The following SULF1 variants were observed in gnomAD, a reference collection of about 807,000 sequenced individuals.
SULF1 encodes the protein extracellular sulfatase Sulf-1.
SULF1 carries 46 observed loss-of-function variants against 110.5 expected under a neutral mutation model. The observed-to-expected ratio is 0.42, with a 90% confidence interval of 0.33 to 0.53. SULF1 has a LOEUF of 0.53. SULF1 is among the 20% of genes least tolerant of loss of function. The pLI is 0.12. For missense variants in SULF1, 941 were observed against 1,094.2 expected (o/e 0.86, Z 1.98); for synonymous variants, 371 against 387.1 (o/e 0.96, Z 0.49).
At chr8:69,618,642 A>G (rs1256270764) in intron 13 of SULF1, among the ~76,000 whole-genome samples, 3 of 152,214 alleles carry the variant, frequency 2.0e-5, no homozygotes, top group African/African-American at 7.2e-5. Context: ...TAAACGTTCA[A>G]GACATCCTAG....
chr8:69,640,361 A>G (rs1418936898), intron 21 of SULF1, among the ~76,000 whole-genome samples: 3 of 152,174 alleles, frequency 2.0e-5, no homozygotes. Flanking sequence ...TAATGGTGAA[A>G]TGACACACTG....
At chr8:69,532,163 C>A (rs928622121) in intron 3 of SULF1, among the ~76,000 whole-genome samples, 2 of 152,120 alleles carry the variant, frequency 1.3e-5, no homozygotes, top group Admixed American at 1.3e-4. Flanking sequence ...AGTAGCATAC[C>A]CATTTAAATT....
intron 3 of SULF1, among the ~76,000 whole-genome samples, chr8:69,527,662 A>G (rs1812790458): frequency 6.6e-6 from 1 of 152,136 alleles, no homozygotes; most frequent in African/African-American, 2.4e-5. Flanking sequence ...AATATAGAGG[A>G]CAGATAGATA....
At chr8:69,616,836 A>G (rs1284078174) in intron 13 of SULF1, among the ~76,000 whole-genome samples, 1 of 151,648 alleles carries the variant, frequency 6.6e-6, no homozygotes, top group Non-Finnish European at 1.5e-5. Flanking sequence ...TACAGGCGTG[A>G]GCCACCACAC....
At chr8:69,616,068 A>G (rs559315155) in intron 13 of SULF1, among the ~76,000 whole-genome samples, 4 of 148,442 alleles carry the variant, frequency 2.7e-5, no homozygotes, top group Admixed American at 6.7e-5. Context: ...ACACATATAT[A>G]TGTGTGTATA....
chr8:69,559,799 G>A (rs1245176864), intron 3 of SULF1, among the ~76,000 whole-genome samples: 1 of 152,152 alleles, frequency 6.6e-6, no homozygotes, highest in Non-Finnish European at 1.5e-5. Context: ...AAACACAACA[G>A]TGAAAAGAAA....
At chr8:69,529,093 T>C (rs1812904815) in intron 3 of SULF1, among the ~76,000 whole-genome samples, 1 of 152,136 alleles carries the variant, frequency 6.6e-6, no homozygotes, top group African/African-American at 2.4e-5. Flanking sequence ...TTACTCCAGC[T>C]TTACTAATAA....
intron 3 of SULF1, among the ~76,000 whole-genome samples, chr8:69,541,521 C>G (rs1055121557): frequency 4.6e-5 from 7 of 152,216 alleles, no homozygotes; most frequent in African/African-American, 1.7e-4. Context: ...ACAAATGCAT[C>G]ATATGTGAAA....
At chr8:69,578,552 C>T (rs1231061171) in intron 6 of SULF1, among the ~76,000 whole-genome samples, 1 of 136,868 alleles carries the variant, frequency 7.3e-6, no homozygotes, top group Non-Finnish European at 1.5e-5. Flanking sequence ...GAGCCGGCAC[C>T]GGGACCTTAG....
intron 3 of SULF1, among the ~76,000 whole-genome samples, chr8:69,543,082 A>G (rs376145769): frequency 6.6e-6 from 1 of 152,184 alleles, no homozygotes; most frequent in Non-Finnish European, 1.5e-5. Context: ...AGATTTAGCA[A>G]CCATCCAATT....
In SULF1 at chr8:69,501,879, G is replaced by A. The variant is rs1382449226; in HGVS notation, c.-223G>A. The stretch of plus-strand genomic sequence containing the variant: ...TTTGCTCTTTTCCATCGTAGGTGCT[G>A]ACGGCCACCCACCATCATCTAAAGA... On this transcript the variant is annotated 5_prime_UTR_variant, in exon 3 of 23. An upstream open reading frame in the 5' UTR loses its in-frame stop. Transcript: ENST00000402687. 2 of 152,210 alleles carry A rather than the reference G, an allele frequency of 1.3e-5. No homozygotes were observed. Among genetic ancestry groups the A allele is most frequent in the African/African-American group, 4.8e-5 (2 of 41,456 alleles). 9.4% of individuals were successfully genotyped at this position (152,210 alleles called of 1,614,324 possible).
At chr8:69,636,782 G>T (rs1367560786) in intron 19 of SULF1, among the ~76,000 whole-genome samples, 1 of 152,136 alleles carries the variant, frequency 6.6e-6, no homozygotes, top group Non-Finnish European at 1.5e-5. Flanking sequence ...GAAGAATTGG[G>T]CCCTTTCTGT....
intron 5 of SULF1, among the ~76,000 whole-genome samples, chr8:69,574,145 A>G (rs1805437696): frequency 6.6e-6 from 1 of 152,114 alleles, no homozygotes; most frequent in South Asian, 2.1e-4. Context: ...CCTTACAAAG[A>G]CTTTTTTCTT....
At chr8:69,622,287 A>G (rs2130556741) in intron 14 of SULF1, among the ~76,000 whole-genome samples, 1 of 152,308 alleles carries the variant, frequency 6.6e-6, no homozygotes, top group Non-Finnish European at 1.5e-5. Flanking sequence ...AAATTTCTGA[A>G]AATCAATAAG....
At chr8:69,603,510 G>A (rs955187832) in intron 11 of SULF1, 90 bp from the exon 12 acceptor site, 42 of 1,315,678 alleles carry the variant, frequency 3.2e-5, no homozygotes, top group Middle Eastern at 1.9e-4. Context: ...TGTGGGAAGT[G>A]AGAGGTGTTT....
chr8:69,495,500 T>A (rs2150561720), intron 1 of SULF1, among the ~76,000 whole-genome samples: 1 of 152,324 alleles, frequency 6.6e-6, no homozygotes, highest in Middle Eastern at 3.4e-3. Flanking sequence ...GGTCACTATC[T>A]GGACTCAATG....
chr8:69,570,323 C>T (rs16936119), intron 5 of SULF1, among the ~76,000 whole-genome samples: 51,271 of 151,952 alleles, frequency 0.34, 8,795 homozygotes, highest in Middle Eastern at 0.42. Context: ...TCTGGTTCTG[C>T]GAGTTTTTCT....
intron 3 of SULF1, among the ~76,000 whole-genome samples, chr8:69,519,287 C>T (rs767840332): frequency 6.6e-6 from 1 of 152,150 alleles, no homozygotes; most frequent in Non-Finnish European, 1.5e-5. Context: ...CAGTATCTAA[C>T]ATATGAAGCA....
chr8:69,479,904 G>A (rs796127873), intron 1 of SULF1, among the ~76,000 whole-genome samples: 8 of 152,328 alleles, frequency 5.3e-5, no homozygotes, highest in African/African-American at 1.9e-4. Flanking sequence ...AAGGAAAAGA[G>A]ATGAGTCCAG....
Sources: allele counts gnomAD v4.1 joint callset (sites outside exome capture counted in the v4.1 genomes callset), GRCh38; gene constraint gnomAD v4.1.1; transcripts MANE v1.5; gene names NCBI Gene and HGNC (gene_info 2026-07-23, HGNC 2026-07-21).